Variants in SLC1A2 observed in about 807,000 individuals in gnomAD.
SLC1A2 encodes the protein excitatory amino acid transporter 2.
A neutral mutation model predicts 48.8 loss-of-function variants in SLC1A2; 15 were observed. The observed-to-expected ratio is 0.31, with a 90% CI of 0.21 to 0.47. The LOEUF (loss-of-function observed/expected upper bound fraction) is 0.47. SLC1A2 is among the 20% of genes least tolerant of loss of function. The pLI is 0.99. For missense variants in SLC1A2, 502 were observed against 730.5 expected, an observed-to-expected ratio of 0.69 and a Z score of 3.61; for synonymous variants, 279 against 272.6, an observed-to-expected ratio of 1.02 and a Z score of -0.23.
intron 4 of SLC1A2, among the ~76,000 whole-genome samples, chr11:35,311,937 TGGG>T (rs1287197909): frequency 4.0e-4 from 2 of 4,980 alleles, no homozygotes; most frequent in East Asian, 6.6e-3. Context: ...GGGGGGGGGG[TGGG>T]GGAGAAAGGA....
intron 1 of SLC1A2, among the ~76,000 whole-genome samples, chr11:35,411,910 C>A (rs1008975817): frequency 1.3e-5 from 2 of 151,948 alleles, no homozygotes; most frequent in Admixed American, 6.6e-5. Flanking sequence ...TAGTTGCTGT[C>A]CTTCTTAAGG....
chr11:35,279,887 C>A (rs933569139), intron 9 of SLC1A2, among the ~76,000 whole-genome samples: 2 of 152,240 alleles, frequency 1.3e-5, no homozygotes, highest in African/African-American at 4.8e-5. Context: ...ATATTCTCCG[C>A]TCTGTCCTTC....
intron 1 of SLC1A2, among the ~76,000 whole-genome samples, chr11:35,354,470 C>CTAAA (rs1333778840): frequency 1.7e-4 from 26 of 151,956 alleles, no homozygotes; most frequent in Non-Finnish European, 2.6e-4. Flanking sequence ...TTAAAACTAA[C>CTAAA]TAAATAAATA....
At chr11:35,362,347 G>A (rs1030525837) in intron 1 of SLC1A2, among the ~76,000 whole-genome samples, 2 of 152,176 alleles carry the variant, frequency 1.3e-5, no homozygotes, top group Middle Eastern at 3.2e-3. Context: ...ATCTGAGAGA[G>A]GACTGTTCTT....
rs1328693454 is a variant in SLC1A2 at position 35,286,928 on chromosome 11, A to C, written c.1115T>G (p.Phe372Cys). The change falls in exon 8 of 11, where the codon TTT becomes TGT. Residue 372 changes from phenylalanine to cysteine, a missense_variant. Around this residue, in one of 4 missense-constraint regions of SLC1A2, gnomAD observed 309 missense variants for 480.3 expected, o/e 0.64. Transcript: ENST00000278379. ...CCCCAGATTTTCTTCCAGGCAACGA[A>C]AGGTGACAGGCAAAGTTCCAGCACT... ...ASSAGTLPVT[F>C]RCLEENLGID... 1.9e-6 allele frequency: 3 copies of C among 1,613,930 alleles called. No homozygotes were observed. The highest frequency in any genetic ancestry group is 2.5e-6 in the Non-Finnish European group (3 of 1,179,926).
intron 1 of SLC1A2, among the ~76,000 whole-genome samples, chr11:35,341,953 T>C (rs1043687876): frequency 2.0e-5 from 3 of 152,214 alleles, no homozygotes; most frequent in African/African-American, 7.2e-5. Context: ...TGCATTGCTA[T>C]ATGAACTGAT....
intron 1 of SLC1A2, among the ~76,000 whole-genome samples, chr11:35,367,591 T>C (rs1853896340): frequency 6.6e-6 from 1 of 152,232 alleles, no homozygotes; most frequent in Non-Finnish European, 1.5e-5. Flanking sequence ...GCAGCTCATT[T>C]CTTTTCTCCT....
Position 35,267,672 on chromosome 11 carries a change from C to A in SLC1A2, c.1422-1914G>T, listed in dbSNP as rs186232268. On this transcript the variant is annotated intron_variant, in intron 9 of 10. Coordinates refer to ENST00000278379, the MANE Select transcript of SLC1A2 (RefSeq NM_004171.4). ...TATACAGTTGTGGTCTACTTTGGAG[C>A]TACTCCACTATACTTTCAATCCCTC... Among the ~76,000 whole-genome samples the A allele has an allele frequency of 2.5e-4, 38 of 152,172 alleles. 1 individual carries two copies. Among genetic ancestry groups the A allele is most frequent in the African/African-American group, 8.9e-4 (37 of 41,534 alleles).
intron 1 of SLC1A2, among the ~76,000 whole-genome samples, chr11:35,367,462 T>C (rs1853890620): frequency 6.6e-6 from 1 of 152,238 alleles, no homozygotes; most frequent in South Asian, 2.1e-4. Context: ...TCAGCTTCTA[T>C]GGTTCAATGA....
chr11:35,323,958 A>G (rs1335388187), intron 1 of SLC1A2, among the ~76,000 whole-genome samples: 1 of 152,234 alleles, frequency 6.6e-6, no homozygotes, highest in African/African-American at 2.4e-5. Flanking sequence ...GAACACAGTC[A>G]AACAGGTAAA....
intron 1 of SLC1A2, among the ~76,000 whole-genome samples, chr11:35,364,017 C>A (rs534705616): frequency 2.0e-5 from 3 of 152,302 alleles, no homozygotes; most frequent in Non-Finnish European, 2.9e-5. Context: ...CAGGACCCTG[C>A]ACTGTTTTCC....
chr11:35,272,203 T>C (rs1007659635), intron 9 of SLC1A2, among the ~76,000 whole-genome samples: 1 of 152,148 alleles, frequency 6.6e-6, no homozygotes, highest in Non-Finnish European at 1.5e-5. Context: ...TCAGAGAGGA[T>C]GGAAGTCCAG....
rs1390810307 is a variant in SLC1A2, at chr11:35,257,979, G to A, written c.*2915C>T. The A allele has an allele frequency of 2.0e-5, 3 of 152,128 alleles. No homozygotes were observed. The highest frequency in any genetic ancestry group is 7.2e-5 in the African/African-American group (3 of 41,432). 9.4% of individuals were successfully genotyped at this position (152,128 alleles called of 1,614,324 possible). A position where few individuals can be genotyped will look rare whatever the true frequency, so the allele number is the denominator to read the frequency against. Reference sequence around the variant, plus strand: ...ATAAATCTATACATATAATTGACAGGTTAAATGTATTCTATTTAGATAAAG... The same window carrying A: ...ATAAATCTATACATATAATTGACAGATTAAATGTATTCTATTTAGATAAAG... On this transcript the variant is annotated 3_prime_UTR_variant, in exon 11 of 11. Transcript: ENST00000278379.
chr11:35,295,704 A>T (rs1276758512), intron 6 of SLC1A2, among the ~76,000 whole-genome samples: 2 of 152,182 alleles, frequency 1.3e-5, no homozygotes, highest in Non-Finnish European at 2.9e-5. Flanking sequence ...AGGGCCACAG[A>T]TTCATCCAGG....
chr11:35,277,157 C>T (rs538720155), intron 9 of SLC1A2, among the ~76,000 whole-genome samples: 3 of 152,348 alleles, frequency 2.0e-5, no homozygotes, highest in East Asian at 3.9e-4. Flanking sequence ...GGCAATTAAA[C>T]GTCAACATGA....
In SLC1A2 at chr11:35,259,491, A is replaced by T. The variant is rs191395864; in HGVS notation, c.*1403T>A. The stretch of plus-strand genomic sequence containing the variant: ...AAAATTTTAGCTTGCATTACCAATC[A>T]TTAAGGATTTGTTGGCTGCCTACTG... On this transcript the variant is annotated 3_prime_UTR_variant, in exon 11 of 11. Transcript: ENST00000278379. 2.5e-3 allele frequency: 384 copies of T among 152,708 alleles called. 2 individuals carry two copies. Among genetic ancestry groups the T allele is most frequent in the African/African-American group, 8.6e-3 (359 of 41,588 alleles). The allele number at this position is 152,708 out of a possible 1,614,324, so 9.5% of individuals were successfully genotyped here.
chr11:35,385,533 C>G (rs1854560840), intron 1 of SLC1A2, among the ~76,000 whole-genome samples: 1 of 152,158 alleles, frequency 6.6e-6, no homozygotes, highest in South Asian at 2.1e-4. Context: ...GTCAAATGTT[C>G]TTTCTCAGAA....
chr11:35,324,235 GT>G (rs1478153873), intron 1 of SLC1A2, among the ~76,000 whole-genome samples: 2 of 152,222 alleles, frequency 1.3e-5, no homozygotes, highest in Admixed American at 1.3e-4. Flanking sequence ...AGGAGACAAA[GT>G]TTTCAAGGGA....
chr11:35,358,236 G>T (rs1188233387), intron 1 of SLC1A2, among the ~76,000 whole-genome samples: 1 of 152,098 alleles, frequency 6.6e-6, no homozygotes, highest in Non-Finnish European at 1.5e-5. Context: ...TGACTAGAAG[G>T]GGAATACAAC....
Sources: allele counts gnomAD v4.1 joint callset (sites outside exome capture counted in the v4.1 genomes callset), GRCh38; gene constraint gnomAD v4.1.1; regional missense constraint gnomAD v4.1.1; transcripts MANE v1.5; gene names NCBI Gene and HGNC (gene_info 2026-07-23, HGNC 2026-07-21).